CDH2: variants seen among roughly 807,000 people sequenced by gnomAD.
CDH2 encodes the protein cadherin-2.
A neutral mutation model predicts 92.0 loss-of-function variants in CDH2; 17 were observed. The ratio of observed to expected loss-of-function variants is 0.18; its 90% confidence interval spans 0.13 to 0.28. The LOEUF is 0.28. CDH2 is among the 10% of genes least tolerant of loss of function. The probability of loss-of-function intolerance (pLI) is 1.00; values close to 1 mark genes in which losing one functional copy is unlikely to be tolerated. For missense variants in CDH2, 862 were observed against 1,133.1 expected, an observed-to-expected ratio of 0.76 and a Z score of 3.44; for synonymous variants, 419 against 415.9, an observed-to-expected ratio of 1.01 and a Z score of -0.09.
At chr18:28,167,237 G>A (rs2016398999) in intron 1 of CDH2, among the ~76,000 whole-genome samples, 1 of 152,120 alleles carries the variant, frequency 6.6e-6, no homozygotes, top group Admixed American at 6.6e-5. Flanking sequence ...TAACTTAACA[G>A]AATTCCAAAT....
intron 6 of CDH2, among the ~76,000 whole-genome samples, chr18:28,004,892 A>C (rs1356388198): frequency 6.6e-6 from 1 of 152,158 alleles, no homozygotes; most frequent in Non-Finnish European, 1.5e-5. Context: ...TTGGACCAAG[A>C]AAATGTATGT....
intron 2 of CDH2, among the ~76,000 whole-genome samples, chr18:28,024,167 A>C (rs998075927): frequency 6.6e-5 from 10 of 152,168 alleles, no homozygotes; most frequent in Admixed American, 6.6e-4. Context: ...GCTTCACTTC[A>C]TCACTTTTGC....
At chr18:28,167,467 T>C (rs1010915734) in intron 1 of CDH2, among the ~76,000 whole-genome samples, 1 of 152,066 alleles carries the variant, frequency 6.6e-6, no homozygotes, top group East Asian at 1.9e-4. Context: ...TTTGTGACAA[T>C]TACAAATACA....
At chr18:28,110,047 T>C (rs1231268) in intron 2 of CDH2, among the ~76,000 whole-genome samples, 125,053 of 152,104 alleles carry the variant, frequency 0.82, 51,661 homozygotes, top group African/African-American at 0.87. Context: ...GGTGTCCTTT[T>C]CTGAGGTAAG....
At chr18:28,044,339 C>G (rs1330086766) in intron 2 of CDH2, among the ~76,000 whole-genome samples, 1 of 152,190 alleles carries the variant, frequency 6.6e-6, no homozygotes, top group Non-Finnish European at 1.5e-5. Context: ...TAACCCCTTA[C>G]ATTGTTTCTC....
intron 14 of CDH2, among the ~76,000 whole-genome samples, chr18:27,975,869 T>A (rs2011810309): frequency 6.6e-6 from 1 of 151,978 alleles, no homozygotes; most frequent in Non-Finnish European, 1.5e-5. Context: ...AGAGGGGAGC[T>A]GGAAAGGGGA....
intron 2 of CDH2, among the ~76,000 whole-genome samples, chr18:28,145,580 G>GT: frequency 1.3e-5 from 2 of 152,046 alleles, no homozygotes; most frequent in South Asian, 4.1e-4. Flanking sequence ...GATGTAAAAG[G>GT]TAAAAACCCA....
At position 28,113,785 on chromosome 18, in the gene CDH2, G is replaced by T. The variant is rs17536270; in HGVS notation, c.172+33888C>A. Among the ~76,000 whole-genome samples, 354 of 152,224 alleles carry T rather than the reference G, an allele frequency of 2.3e-3. 2 individuals are homozygous for T. The highest frequency in any genetic ancestry group is 8.2e-3 in the African/African-American group (342 of 41,558). On this transcript the variant is annotated intron_variant, in intron 2 of 15. Transcript: ENST00000269141. ...CTATAAATTCCTTTGAGCTTTTAAA[G>T]ATGACTCTTAATGTATATAAAGTTA...
chr18:28,033,988 A>G (rs1289861135), intron 2 of CDH2, among the ~76,000 whole-genome samples: 1 of 152,014 alleles, frequency 6.6e-6, no homozygotes, highest in African/African-American at 2.4e-5. Flanking sequence ...ATTGAGCCAT[A>G]CTCTCGATTA....
At position 28,056,600 on chromosome 18, in the gene CDH2, G is replaced by A. The variant is rs190837978; in HGVS notation, c.173-42691C>T. Among the ~76,000 whole-genome samples the A allele has an allele frequency of 2.0e-4, 31 of 152,144 alleles. No individual in the cohort carries two copies. The East Asian group carries it at 4.4e-3, about 22-fold the overall frequency. ...TAATGATCACTCTGGCTAAATAAACGACTATTATTTCACAGTGACCTGTGA... is the reference window on the plus strand; with the variant it reads ...TAATGATCACTCTGGCTAAATAAACAACTATTATTTCACAGTGACCTGTGA... On this transcript the variant is annotated intron_variant, in intron 2 of 15. Transcript: ENST00000269141.
chr18:28,081,549 G>A (rs1287666155), intron 2 of CDH2, among the ~76,000 whole-genome samples: 1 of 152,168 alleles, frequency 6.6e-6, no homozygotes, highest in Non-Finnish European at 1.5e-5. Context: ...AGCAAGTCAT[G>A]ATATTATAAA....
At chr18:27,934,868 T>C (rs547924285) in intron 6 of CDH2, among the ~76,000 whole-genome samples, 8 of 152,300 alleles carry the variant, frequency 5.3e-5, no homozygotes, top group South Asian at 2.1e-4. Context: ...CTTTCCTTTA[T>C]TTCAAATTCC....
chr18:27,994,951 C>T (rs2012533699), intron 7 of CDH2, among the ~76,000 whole-genome samples: 1 of 152,066 alleles, frequency 6.6e-6, no homozygotes, highest in East Asian at 1.9e-4. Context: ...AACACACACG[C>T]AGTAAGAAAT....
In CDH2 at chr18:27,990,083, A is replaced by C; in HGVS notation, c.1598+14T>G. ...TAAGTAAGCTACAAAAACACTACAAACAGCATTTCATACCTAATATTTTGC... is the reference window on the plus strand; with the variant it reads ...TAAGTAAGCTACAAAAACACTACAACCAGCATTTCATACCTAATATTTTGC... On this transcript the variant is annotated intron_variant, in intron 10 of 15. Coordinates refer to ENST00000269141, the MANE Select transcript of CDH2 (RefSeq NM_001792.5). 6.2e-7 allele frequency: 1 copy of C among 1,610,588 alleles called. No homozygotes were observed. The highest frequency in any genetic ancestry group is 8.5e-7 in the Non-Finnish European group (1 of 1,176,878).
chr18:28,047,875 A>G (rs1360542626), intron 2 of CDH2, among the ~76,000 whole-genome samples: 1 of 151,098 alleles, frequency 6.6e-6, no homozygotes, highest in Non-Finnish European at 1.5e-5. Context: ...TCTCAAAAAA[A>G]AAAAAAAAAA....
chr18:27,935,908 A>G (rs991911845), intron 6 of CDH2, among the ~76,000 whole-genome samples: 14 of 152,328 alleles, frequency 9.2e-5, no homozygotes, highest in South Asian at 2.1e-4. Context: ...CATTTAAAGG[A>G]TTAAACTTAA....
At chr18:28,083,180 C>T (rs1299094473) in intron 2 of CDH2, among the ~76,000 whole-genome samples, 1 of 152,100 alleles carries the variant, frequency 6.6e-6, no homozygotes, top group Non-Finnish European at 1.5e-5. Flanking sequence ...ATAATACCCC[C>T]CAAGAAACTC....
intron 11 of CDH2, among the ~76,000 whole-genome samples, chr18:27,988,031 GA>G (rs143819828): frequency 6.6e-6 from 1 of 151,790 alleles, no homozygotes; most frequent in Non-Finnish European, 1.5e-5. Context: ...ACTCAGAAAG[GA>G]AAAAAAGGTG....
chr18:28,124,475 C>A (rs1045981838), intron 2 of CDH2, among the ~76,000 whole-genome samples: 1 of 152,118 alleles, frequency 6.6e-6, no homozygotes, highest in Non-Finnish European at 1.5e-5. Flanking sequence ...CATTTTTACA[C>A]ATTCAAAGCG....
Sources: allele counts gnomAD v4.1 joint callset (sites outside exome capture counted in the v4.1 genomes callset), GRCh38; gene constraint gnomAD v4.1.1; transcripts MANE v1.5; gene names NCBI Gene and HGNC (gene_info 2026-07-23, HGNC 2026-07-21).